Variants in SCFD2 observed in about 807,000 individuals in gnomAD.
SCFD2 encodes the protein sec1 family domain-containing protein 2.
Under a neutral mutation model 58.9 loss-of-function variants are expected in SCFD2, and 54 were observed. The ratio of observed to expected loss-of-function variants is 0.92; its 90% CI spans 0.74 to 1.15. The LOEUF (loss-of-function observed/expected upper bound fraction) is 1.15, where lower values mean the gene tolerates loss of function less well. SCFD2 is among the 50% of genes most tolerant of loss of function. The pLI, the probability that SCFD2 is intolerant of heterozygous loss-of-function variation, is 0.00. For synonymous variants in SCFD2, 321 were observed against 335.9 expected, an observed-to-expected ratio of 0.96 and a Z score of 0.49; for missense variants, 805 against 836.6, an observed-to-expected ratio of 0.96 and a Z score of 0.47.
intron 4 of SCFD2, among the ~76,000 whole-genome samples, chr4:53,256,114 C>T (rs1328123825): frequency 9.2e-5 from 14 of 151,646 alleles, no homozygotes; most frequent in Non-Finnish European, 1.2e-4. Flanking sequence ...CGGAGACGCT[C>T]CTCACTTCCC....
At chr4:52,901,458 C>T (rs1279150631) in intron 7 of SCFD2, among the ~76,000 whole-genome samples, 1 of 152,160 alleles carries the variant, frequency 6.6e-6, no homozygotes. Flanking sequence ...TGGCTGTCTC[C>T]TAGGATGCTG....
chr4:53,099,815 A>G (rs1724780152), intron 5 of SCFD2, among the ~76,000 whole-genome samples: 1 of 152,118 alleles, frequency 6.6e-6, no homozygotes, highest in African/African-American at 2.4e-5. Flanking sequence ...CGGGGATCAA[A>G]TTTCAACATG....
At chr4:53,337,682 GA>G (rs1242710290) in intron 2 of SCFD2, among the ~76,000 whole-genome samples, 2 of 152,074 alleles carry the variant, frequency 1.3e-5, no homozygotes, top group African/African-American at 4.8e-5. Context: ...CCATCAACAG[GA>G]AAATGGTAAG....
chr4:53,199,219 CTAA>C (rs2148965497), intron 4 of SCFD2, among the ~76,000 whole-genome samples: 1 of 152,192 alleles, frequency 6.6e-6, no homozygotes, highest in Non-Finnish European at 1.5e-5. Flanking sequence ...GCATTTCCTT[CTAA>C]TAATAACATT....
chr4:53,161,747 C>A (rs1409436089), intron 4 of SCFD2, among the ~76,000 whole-genome samples: 5 of 152,204 alleles, frequency 3.3e-5, no homozygotes, highest in Non-Finnish European at 7.3e-5. Context: ...GAATTGAGAA[C>A]TATGCATCCA....
intron 5 of SCFD2, among the ~76,000 whole-genome samples, chr4:53,077,359 C>A (rs1724007665): frequency 1.3e-5 from 2 of 152,064 alleles, no homozygotes; most frequent in East Asian, 1.9e-4. Flanking sequence ...AATATTTATA[C>A]CCTAGTTTGA....
intron 5 of SCFD2, among the ~76,000 whole-genome samples, chr4:52,943,347 C>A (rs1695862113): frequency 6.6e-6 from 1 of 152,162 alleles, no homozygotes; most frequent in Non-Finnish European, 1.5e-5. Context: ...CAGAATATTT[C>A]AGACTGGGTA....
rs561195423 is a variant in SCFD2, at chr4:53,075,290, T to G, written c.1561+70043A>C. Among the ~76,000 whole-genome samples the G allele has an allele frequency of 2.2e-4, 33 of 152,338 alleles. 1 individual carries two copies. The South Asian group carries it at 4.8e-3, about 22-fold the overall frequency. On this transcript the variant is annotated intron_variant, in intron 5 of 8. Coordinates refer to ENST00000401642, the MANE Select transcript of SCFD2 (RefSeq NM_152540.4). ...ATTTAGGGCTTGCTCTGGCTTAAGC[T>G]TTGGTCTAAGGGAATATTGTGGCTG...
At chr4:53,356,988 T>A (rs1405306937) in intron 1 of SCFD2, among the ~76,000 whole-genome samples, 1 of 152,168 alleles carries the variant, frequency 6.6e-6, no homozygotes, top group African/African-American at 2.4e-5. Context: ...ATAGCCCATA[T>A]TATTATACTG....
chr4:53,218,916 T>C (rs556376350), intron 4 of SCFD2, among the ~76,000 whole-genome samples: 1 of 152,208 alleles, frequency 6.6e-6, no homozygotes, highest in Admixed American at 6.5e-5. Flanking sequence ...CAGACCCTGT[T>C]TGCCTGGGTA....
chr4:53,274,450 C>A (rs1479224672), intron 3 of SCFD2, among the ~76,000 whole-genome samples: 2 of 152,056 alleles, frequency 1.3e-5, no homozygotes, highest in Non-Finnish European at 2.9e-5. Flanking sequence ...TATTTCTCAT[C>A]TAAAACTTTA....
chr4:53,150,932 T>C (rs1293206878), intron 4 of SCFD2, among the ~76,000 whole-genome samples: 1 of 152,230 alleles, frequency 6.6e-6, no homozygotes, highest in Non-Finnish European at 1.5e-5. Flanking sequence ...TAGGAATATA[T>C]AATCATAGCT....
chr4:53,071,583 A>T (rs1723815294), intron 5 of SCFD2, among the ~76,000 whole-genome samples: 1 of 152,130 alleles, frequency 6.6e-6, no homozygotes, highest in African/African-American at 2.4e-5. Context: ...ATTAAGAAAC[A>T]AACAAAAAAA....
In SCFD2 at chr4:53,273,960, A is replaced by C; in HGVS notation, c.1177T>G (p.Phe393Val). 1.2e-6 allele frequency: 2 copies of C among 1,613,656 alleles called. No individual in the cohort carries two copies. Among genetic ancestry groups the C allele is most frequent in the East Asian group, 2.2e-5 (1 of 44,874 alleles). Residue 393 changes from phenylalanine (F) to valine (V), a missense_variant, in exon 4 of 9, where the codon TTC becomes GTC. Transcript: ENST00000401642. ...PGQLMSYIQL[F>V]KNNLKALMNH... ...ATTAGAGCTTTGAGGTTGTTCTTGA[A>C]GAGCTGAATATAGGACATGAGCTGT...
intron 6 of SCFD2, 117 bp from the exon 7 acceptor site, chr4:52,907,708 ATGTG>A (rs10557430): frequency 0.053 from 35,811 of 672,040 alleles, 726 homozygotes; most frequent in African/African-American, 0.13. Context: ...CAATGCCTAT[ATGTG>A]TGTGTGTGTG....
chr4:53,018,658 A>T (rs753213445), intron 5 of SCFD2, among the ~76,000 whole-genome samples: 24 of 152,196 alleles, frequency 1.6e-4, no homozygotes, highest in Non-Finnish European at 3.4e-4. Flanking sequence ...GCTAGGCCAG[A>T]CATTTCTGGG....
intron 2 of SCFD2, among the ~76,000 whole-genome samples, chr4:53,346,983 T>C (rs1734075930): frequency 6.6e-6 from 1 of 152,342 alleles, no homozygotes; most frequent in Admixed American, 6.5e-5. Flanking sequence ...ATATTTGTAG[T>C]AAGACATCTC....
intron 1 of SCFD2, among the ~76,000 whole-genome samples, chr4:53,363,667 C>T (rs374282328): frequency 6.6e-6 from 1 of 151,936 alleles, no homozygotes; most frequent in Admixed American, 6.5e-5. Flanking sequence ...ACTAAAAATA[C>T]GAAAAGTTAG....
intron 4 of SCFD2, among the ~76,000 whole-genome samples, chr4:53,214,918 T>C (rs990912058): frequency 3.7e-4 from 57 of 152,104 alleles, no homozygotes; most frequent in Non-Finnish European, 6.3e-4. Flanking sequence ...GAATCCTTTC[T>C]GCATTGCTTG....
Sources: allele counts gnomAD v4.1 joint callset (sites outside exome capture counted in the v4.1 genomes callset), GRCh38; gene constraint gnomAD v4.1.1; transcripts MANE v1.5; gene names NCBI Gene and HGNC (gene_info 2026-07-23, HGNC 2026-07-21).